LRRTM4: variants seen among roughly 807,000 people sequenced by gnomAD.
The protein encoded by LRRTM4 is leucine rich repeat transmembrane neuronal 4.
A neutral mutation model predicts 47.6 loss-of-function variants in LRRTM4; 25 were observed. That is an observed-to-expected ratio of 0.53 (90% CI 0.38 to 0.73). The LOEUF is 0.73. Ranked by LOEUF, LRRTM4 falls within the 30% of genes least tolerant of loss-of-function variation. The probability of loss-of-function intolerance (pLI) is 0.00; values close to 1 mark genes in which losing one functional copy is unlikely to be tolerated. For synonymous variants in LRRTM4, 311 were observed against 269.5 expected (o/e 1.15, Z -1.51); for missense variants, 638 against 713.4 (o/e 0.89, Z 1.20).
At chr2:76,861,388 C>G (rs1672307612) in intron 3 of LRRTM4, among the ~76,000 whole-genome samples, 1 of 151,778 alleles carries the variant, frequency 6.6e-6, no homozygotes, top group African/African-American at 2.4e-5. Flanking sequence ...ATTTTTTTTC[C>G]CATATCTAAC....
intron 3 of LRRTM4, among the ~76,000 whole-genome samples, chr2:76,802,582 G>A (rs1226864452): frequency 6.6e-6 from 1 of 151,966 alleles, no homozygotes; most frequent in South Asian, 2.1e-4. Context: ...CATTCCAATG[G>A]CATTTTTCAC....
chr2:77,132,775 T>G (rs985105823), intron 3 of LRRTM4, among the ~76,000 whole-genome samples: 2 of 152,288 alleles, frequency 1.3e-5, no homozygotes, highest in Non-Finnish European at 2.9e-5. Flanking sequence ...CTTAGTAATT[T>G]GGCTCTTAAG....
intron 3 of LRRTM4, among the ~76,000 whole-genome samples, chr2:77,499,928 T>A (rs1366927437): frequency 6.6e-6 from 1 of 151,744 alleles, no homozygotes; most frequent in Non-Finnish European, 1.5e-5. Flanking sequence ...TTACTTTGAC[T>A]TTCTTGTTCT....
intron 3 of LRRTM4, among the ~76,000 whole-genome samples, chr2:77,042,972 G>A (rs984584086): frequency 3.3e-5 from 5 of 151,598 alleles, no homozygotes; most frequent in Admixed American, 1.3e-4. Flanking sequence ...GTGGGCAGAT[G>A]GTGGGGGTTT....
At chr2:76,788,729 A>C (rs1287280856) in intron 3 of LRRTM4, among the ~76,000 whole-genome samples, 1 of 152,314 alleles carries the variant, frequency 6.6e-6, no homozygotes, top group East Asian at 1.9e-4. Context: ...TATTCTATCA[A>C]TGTGATTTCA....
rs184522399 is a variant in LRRTM4 at position 77,041,482 on chromosome 2, C to T, written c.1552-292566G>A. 2.6e-5 allele frequency among the ~76,000 whole-genome samples: 4 copies of T among 151,362 alleles called. No individual in the cohort carries two copies. The East Asian group carries it at 5.9e-4, about 22-fold the overall frequency. On this transcript the variant is annotated intron_variant, in intron 3 of 3. Transcript: ENST00000409884. ...CAGTAGTTTTGAAATTTTAAGGAAC[C>T]TCTATATGGTTTTCCATAGTGGCTG... is the stretch of plus-strand genomic sequence containing the variant.
intron 3 of LRRTM4, among the ~76,000 whole-genome samples, chr2:77,194,910 G>GA (rs946476110): frequency 0.016 from 2,249 of 142,514 alleles, 42 homozygotes; most frequent in African/African-American, 0.046. Flanking sequence ...TATATTAAAA[G>GA]AAAAAAAAAA....
chr2:76,841,938 T>C (rs534020727), intron 3 of LRRTM4, among the ~76,000 whole-genome samples: 40 of 152,276 alleles, frequency 2.6e-4, no homozygotes, highest in African/African-American at 7.9e-4. Context: ...GCGCTGCTCA[T>C]AGAAGGCAAA....
At chr2:77,225,252 T>C (rs1037070346) in intron 3 of LRRTM4, among the ~76,000 whole-genome samples, 24 of 149,152 alleles carry the variant, frequency 1.6e-4, no homozygotes, top group Admixed American at 1.5e-3. Flanking sequence ...TTAGGAGATA[T>C]ACCTAATGCT....
chr2:76,879,194 A>C (rs1379940358), intron 3 of LRRTM4, among the ~76,000 whole-genome samples: 4 of 152,224 alleles, frequency 2.6e-5, no homozygotes, highest in African/African-American at 9.6e-5. Flanking sequence ...GTAGGTTTTC[A>C]GTGTAGATGA....
chr2:77,407,900 G>GA lies in LRRTM4; in HGVS notation c.1551+110417dup, dbSNP rs149221612. Among the ~76,000 whole-genome samples, 1,104 of 151,308 alleles carry GA rather than the reference G, an allele frequency of 7.3e-3. 9 individuals are homozygous for GA. The highest frequency in any genetic ancestry group is 0.015 in the Admixed American group (228 of 15,102). ...CTTTGATCTGAGTGTAGCTTTTGAA[G>GA]AAATAGTGATTATCAAATAACCTGG... is the stretch of plus-strand genomic sequence containing the variant. On this transcript the variant is annotated intron_variant, in intron 3 of 3. Coordinates refer to ENST00000409884, the MANE Select transcript of LRRTM4 (RefSeq NM_001134745.3).
At chr2:77,312,222 C>G (rs959425032) in intron 3 of LRRTM4, among the ~76,000 whole-genome samples, 1 of 152,072 alleles carries the variant, frequency 6.6e-6, no homozygotes, top group African/African-American at 2.4e-5. Flanking sequence ...GTGTGTAATT[C>G]CACAGTATTA....
intron 3 of LRRTM4, among the ~76,000 whole-genome samples, chr2:77,018,899 T>C (rs1000289065): frequency 1.3e-5 from 2 of 152,160 alleles, no homozygotes; most frequent in East Asian, 3.9e-4. Flanking sequence ...AATTTTACAA[T>C]GGATTTGTGT....
At chr2:76,929,818 T>C (rs1674709232) in intron 3 of LRRTM4, among the ~76,000 whole-genome samples, 1 of 152,150 alleles carries the variant, frequency 6.6e-6, no homozygotes, top group Admixed American at 6.6e-5. Context: ...CAAAGTTACC[T>C]CATCTATCCT....
At chr2:77,204,950 G>A (rs1203245296) in intron 3 of LRRTM4, among the ~76,000 whole-genome samples, 5 of 152,146 alleles carry the variant, frequency 3.3e-5, no homozygotes, top group African/African-American at 1.2e-4. Context: ...TTTCAACTAT[G>A]ATCTAATGTG....
intron 3 of LRRTM4, among the ~76,000 whole-genome samples, chr2:77,055,053 G>C: frequency 6.6e-6 from 1 of 152,154 alleles, no homozygotes. Context: ...CCCTGTGATA[G>C]CTGGCTCCCA....
rs187937061 is a variant in LRRTM4 at position 77,220,552 on chromosome 2, A to T, written c.1551+297766T>A. 3.8e-3 allele frequency among the ~76,000 whole-genome samples: 573 copies of T among 152,326 alleles called. 1 individual carries two copies. The highest frequency in any genetic ancestry group is 0.013 in the African/African-American group (539 of 41,576). On this transcript the variant is annotated intron_variant, in intron 3 of 3. Coordinates refer to ENST00000409884, the MANE Select transcript of LRRTM4 (RefSeq NM_001134745.3). The stretch of plus-strand genomic sequence containing the variant: ...AAAACCACAGCACCAGAACTACATG[A>T]TGAATGCACAAGCCTCAGTAACCGA...
chr2:77,043,675 G>A (rs1383351976), intron 3 of LRRTM4, among the ~76,000 whole-genome samples: 1 of 151,754 alleles, frequency 6.6e-6, no homozygotes, highest in African/African-American at 2.4e-5. Context: ...TCATATAAAT[G>A]TGCAGATTAC....
At chr2:77,210,874 C>T (rs1350522008) in intron 3 of LRRTM4, among the ~76,000 whole-genome samples, 1 of 152,132 alleles carries the variant, frequency 6.6e-6, no homozygotes, top group African/African-American at 2.4e-5. Context: ...TGAACAGAGG[C>T]AGAGTGTACT....
Sources: gnomAD v4.1 joint callset for allele counts (sites outside exome capture counted in the v4.1 genomes callset) on GRCh38, gnomAD v4.1.1 for gene constraint, MANE v1.5 for transcripts, NCBI Gene and HGNC (gene_info 2026-07-23, HGNC 2026-07-21) for gene names.